PBX1: variants seen among roughly 807,000 people sequenced by gnomAD.
The protein encoded by PBX1 is pre-B-cell leukemia transcription factor 1.
Under a neutral mutation model 53.4 loss-of-function variants are expected in PBX1, and 6 were observed. That is an observed-to-expected ratio of 0.11 (90% CI 0.06 to 0.22). PBX1 has a LOEUF of 0.22. Among genes scored for constraint, PBX1 ranks in the 10% least tolerant of loss-of-function variants. The pLI, the probability that PBX1 is intolerant of heterozygous loss-of-function variation, is 1.00. For synonymous variants in PBX1, 204 were observed against 212.3 expected (o/e 0.96, Z 0.34); for missense variants, 251 against 551.4 (o/e 0.46, Z 5.46).
Position 164,846,806 on chromosome 1 carries a change from C to G in PBX1, c.*130C>G, listed in dbSNP as rs1172962696. ...CAATCAGCAAACACAATAAGAGTCT[C>G]CTTCTCTTCTCTTCTTTGGGATGCT... On this transcript the variant is annotated 3_prime_UTR_variant, in exon 9 of 9. Transcript: ENST00000420696. 5.9e-6 allele frequency: 9 copies of G among 1,531,116 alleles called. No individual in the cohort carries two copies. In the African/African-American group the frequency reaches 8.2e-5, roughly 14 times the overall value. 94.8% of individuals were successfully genotyped at this position (1,531,116 alleles called of 1,614,324 possible). A position where few individuals can be genotyped will look rare whatever the true frequency, so the allele number is the denominator to read the frequency against.
At chr1:164,596,156 G>A (rs930196885) in intron 2 of PBX1, among the ~76,000 whole-genome samples, 1 of 150,554 alleles carries the variant, frequency 6.6e-6, no homozygotes, top group Non-Finnish European at 1.5e-5. Flanking sequence ...AATACATCAG[G>A]TATCTTTTAC....
intron 2 of PBX1, chr1:164,682,259 G>A (rs1464727347): frequency 6.6e-6 from 1 of 152,130 alleles, no homozygotes; most frequent in South Asian, 2.1e-4. Flanking sequence ...CTGAATTGGA[G>A]AGAGAGCAGA....
At chr1:164,870,060 G>A (rs1401861449) in intron 2 of PBX1, among the ~76,000 whole-genome samples, 1 of 152,226 alleles carries the variant, frequency 6.6e-6, no homozygotes, top group Non-Finnish European at 1.5e-5. Flanking sequence ...GGAAAGCTCA[G>A]GAGGGTTTAA....
rs975286908 is a variant in PBX1 at position 164,559,696 on chromosome 1, C to T, written c.-127C>T. The T allele has an allele frequency of 4.7e-5, 19 of 403,880 alleles. No homozygotes were observed. Among genetic ancestry groups the T allele is most frequent in the South Asian group, 4.6e-4 (10 of 21,634 alleles). The allele number at this position is 403,880 out of a possible 1,614,324, so 25.0% of individuals were successfully genotyped here. A position where few individuals can be genotyped will look rare whatever the true frequency, so the allele number is the denominator to read the frequency against. ...TTTTTTTCTTTTGGTCTTCTTTTTT[C>T]CCCCTTCCCTGTTTATCCTGAAAAG... On this transcript the variant is annotated 5_prime_UTR_variant, in exon 1 of 9. Transcript: ENST00000420696.
chr1:164,579,720 G>A (rs961060925), intron 2 of PBX1, among the ~76,000 whole-genome samples: 1 of 151,998 alleles, frequency 6.6e-6, no homozygotes, highest in African/African-American at 2.4e-5. Context: ...AGTGCTCTGG[G>A]CCCCAGTAGT....
chr1:164,754,850 C>A (rs1666426969), intron 2 of PBX1, among the ~76,000 whole-genome samples: 2 of 151,990 alleles, frequency 1.3e-5, no homozygotes, highest in African/African-American at 2.4e-5. Context: ...TTCTTTTAAT[C>A]AAAAAGCTTA....
intron 6 of PBX1, chr1:164,818,142 A>G (rs548949708): frequency 1.1e-4 from 16 of 152,260 alleles, no homozygotes; most frequent in Non-Finnish European, 1.9e-4. Flanking sequence ...TTTAGGTTAT[A>G]TCTGTGATTA....
rs565629067 is a variant in PBX1, at chr1:164,834,501, G to A, written c.1201-12083G>A. Among the ~76,000 whole-genome samples the A allele has an allele frequency of 5.3e-5, 8 of 151,838 alleles. No homozygotes were observed. The South Asian group carries it at 6.2e-4, about 12-fold the overall frequency. ...TGGGATTACAGGCATGCCCCACCACGCCTGGCTAATTTTTGTATTTTTTAG... is the reference window on the plus strand; with the variant it reads ...TGGGATTACAGGCATGCCCCACCACACCTGGCTAATTTTTGTATTTTTTAG... On this transcript the variant is annotated intron_variant, in intron 8 of 8. Transcript: ENST00000420696.
At chr1:164,620,456 G>A (rs967461340) in intron 2 of PBX1, among the ~76,000 whole-genome samples, 2 of 151,804 alleles carry the variant, frequency 1.3e-5, no homozygotes, top group African/African-American at 2.4e-5. Flanking sequence ...GTTCATATGC[G>A]TGCATGTGCA....
intron 2 of PBX1, among the ~76,000 whole-genome samples, chr1:164,638,364 C>G (rs575761322): frequency 6.6e-6 from 1 of 152,204 alleles, no homozygotes; most frequent in African/African-American, 2.4e-5. Context: ...TAAAGTGATT[C>G]GTTTCCAAAC....
chr1:164,673,533 G>A (rs1661234952), intron 2 of PBX1, among the ~76,000 whole-genome samples: 2 of 148,866 alleles, frequency 1.3e-5, no homozygotes, highest in African/African-American at 5.0e-5. Flanking sequence ...TGCAGTGGCG[G>A]GATCTCTGCT....
chr1:164,743,762 C>T (rs1665744702), intron 2 of PBX1, among the ~76,000 whole-genome samples: 1 of 152,022 alleles, frequency 6.6e-6, no homozygotes, highest in Admixed American at 6.6e-5. Context: ...ATCAATGTTC[C>T]AGGCAAAAAG....
At position 164,792,696 on chromosome 1, in the gene PBX1, G is replaced by A. The variant is rs1215179946; in HGVS notation, c.468G>A (p.Gln156=). Residue 156 remains glutamine (Q), a synonymous_variant, in exon 3 of 9, where the codon CAG becomes CAA. Transcript: ENST00000420696. The stretch of plus-strand genomic sequence containing the variant: ...CAGATTACAGAGCCAAACTCTCACA[G>A]ATCAGACAAATCTACCATACGGAGC... ...EHSDYRAKLS[Q]IRQIYHTELE... is the part of the protein sequence containing the mutation. The A allele has an allele frequency of 2.5e-6, 4 of 1,613,640 alleles. No homozygotes were observed. In the Middle Eastern group the frequency reaches 4.9e-4, roughly 200 times the overall value.
At position 164,711,931 on chromosome 1, in the gene PBX1, A is replaced by T. The variant is rs1358789890; in HGVS notation, c.266-80563A>T. Among the ~76,000 whole-genome samples, 4 of 152,266 alleles carry T rather than the reference A, an allele frequency of 2.6e-5. No homozygotes were observed. In the East Asian group the frequency reaches 7.7e-4, roughly 29 times the overall value. On this transcript the variant is annotated intron_variant, in intron 2 of 8. Coordinates refer to ENST00000420696, the MANE Select transcript of PBX1 (RefSeq NM_002585.4). ...GCAGGGTGGGGTGACAGGACAGGTT[A>T]CTGAGACTGAATTTTGTCTGAAGAG...
intron 2 of PBX1, among the ~76,000 whole-genome samples, chr1:164,650,617 C>G (rs1033261856): frequency 1.3e-5 from 2 of 152,064 alleles, no homozygotes; most frequent in Non-Finnish European, 2.9e-5. Context: ...CATCATAGTC[C>G]CTAAAACTTT....
intron 2 of PBX1, among the ~76,000 whole-genome samples, chr1:164,673,329 G>A (rs573061207): frequency 5.1e-4 from 78 of 152,226 alleles, no homozygotes; most frequent in African/African-American, 1.8e-3. Context: ...AGTGGGGCTG[G>A]GAGCGCCCAG....
At chr1:164,647,017 G>C (rs1659494472) in intron 2 of PBX1, among the ~76,000 whole-genome samples, 1 of 152,218 alleles carries the variant, frequency 6.6e-6, no homozygotes, top group African/African-American at 2.4e-5. Context: ...AAGGGGGGCA[G>C]CCCTACAGGC....
At chr1:164,605,467 A>G (rs1005427355) in intron 2 of PBX1, 1 of 152,124 alleles carries the variant, frequency 6.6e-6, no homozygotes, top group Non-Finnish European at 1.5e-5. Flanking sequence ...ACTCTTTGTT[A>G]TGGGAAGAAC....
chr1:164,771,234 A>C (rs958326758), intron 2 of PBX1: 9 of 152,140 alleles, frequency 5.9e-5, no homozygotes, highest in Non-Finnish European at 1.0e-4. Flanking sequence ...GTTTTCTTGC[A>C]ACAAAATGAG....
Sources: gnomAD v4.1 joint callset for allele counts (sites outside exome capture counted in the v4.1 genomes callset) on GRCh38, gnomAD v4.1.1 for gene constraint, MANE v1.5 for transcripts, NCBI Gene and HGNC (gene_info 2026-07-23, HGNC 2026-07-21) for gene names.